The following CSMD1 variants were observed in gnomAD, a reference collection of about 807,000 sequenced individuals.
The protein encoded by CSMD1 is CUB and Sushi multiple domains 1.
In CSMD1, 213 loss-of-function variants were observed where a neutral mutation model predicts 417.5. That is an observed-to-expected ratio of 0.51 (90% CI 0.46 to 0.57). CSMD1 has a LOEUF of 0.57. Ranked by LOEUF, CSMD1 falls within the 20% of genes least tolerant of loss-of-function variation. CSMD1 has a pLI of 0.00. For synonymous variants in CSMD1, 2,862 were observed against 1,736.8 expected, an observed-to-expected ratio of 1.65 and a Z score of -16.11; for missense variants, 6,923 against 4,529.7, an observed-to-expected ratio of 1.53 and a Z score of -15.17.
intron 10 of CSMD1, among the ~76,000 whole-genome samples, chr8:3,573,058 G>A (rs1192570171): frequency 6.6e-6 from 1 of 152,058 alleles, no homozygotes; most frequent in Non-Finnish European, 1.5e-5. Context: ...AAATTAATGA[G>A]ATGGCTTAGT....
chr8:4,270,912 T>C (rs1348414089), intron 3 of CSMD1, among the ~76,000 whole-genome samples: 2 of 152,126 alleles, frequency 1.3e-5, no homozygotes, highest in Non-Finnish European at 2.9e-5. Flanking sequence ...AAGGTGCTGA[T>C]CGCTGTGAAA....
At chr8:3,357,947 C>T (rs11136611) in intron 21 of CSMD1, among the ~76,000 whole-genome samples, 17,425 of 152,004 alleles carry the variant, frequency 0.11, 1,159 homozygotes, top group African/African-American at 0.19. Flanking sequence ...TTTTTAATAA[C>T]GAAATTCTGA....
intron 6 of CSMD1, among the ~76,000 whole-genome samples, chr8:3,711,624 A>T (rs1379751671): frequency 6.6e-6 from 1 of 152,112 alleles, no homozygotes; most frequent in African/African-American, 2.4e-5. Flanking sequence ...GACAAATATC[A>T]CAGGAAAGGG....
intron 52 of CSMD1, among the ~76,000 whole-genome samples, chr8:3,014,923 A>G (rs1205761829): frequency 6.6e-6 from 1 of 152,062 alleles, no homozygotes; most frequent in Non-Finnish European, 1.5e-5. Flanking sequence ...CTCAAACATA[A>G]TTAAATAAAT....
At chr8:4,033,187 T>G (rs972972231) in intron 3 of CSMD1, among the ~76,000 whole-genome samples, 21 of 143,230 alleles carry the variant, frequency 1.5e-4, no homozygotes, top group Non-Finnish European at 3.0e-4. Context: ...ACGCCTGTAG[T>G]CCCAGCACTT....
In CSMD1 at chr8:3,926,981, T is replaced by C. The variant is rs542470457; in HGVS notation, c.818+70922A>G. 8.5e-5 allele frequency among the ~76,000 whole-genome samples: 13 copies of C among 152,118 alleles called. No homozygotes were observed. In the South Asian group the frequency reaches 2.7e-3, roughly 32 times the overall value. On this transcript the variant is annotated intron_variant, in intron 5 of 69. Transcript: ENST00000635120. ...CACCCACCTCGGCCTCCCAAAGTGCTAGGATTACAGGCGTGAGCCACCGTG... is the reference window on the plus strand; with the variant it reads ...CACCCACCTCGGCCTCCCAAAGTGCCAGGATTACAGGCGTGAGCCACCGTG...
chr8:4,941,697 C>T (rs1215394646), intron 1 of CSMD1, among the ~76,000 whole-genome samples: 2 of 152,060 alleles, frequency 1.3e-5, no homozygotes, highest in Non-Finnish European at 2.9e-5. Context: ...CCCTCTAGCT[C>T]AAGCAATTCT....
At chr8:2,982,867 G>A (rs138797809) in intron 54 of CSMD1, among the ~76,000 whole-genome samples, 4 of 152,158 alleles carry the variant, frequency 2.6e-5, no homozygotes, top group Admixed American at 6.5e-5. Context: ...CAATAGAAAC[G>A]AAGCCACCTG....
chr8:3,836,288 G>C (rs1279915905), intron 5 of CSMD1, among the ~76,000 whole-genome samples: 1 of 152,118 alleles, frequency 6.6e-6, no homozygotes, highest in Non-Finnish European at 1.5e-5. Flanking sequence ...ACTGATTGAA[G>C]CTTGTAACAA....
intron 1 of CSMD1, among the ~76,000 whole-genome samples, chr8:4,708,068 G>T (rs1808063159): frequency 6.6e-6 from 1 of 152,086 alleles, no homozygotes; most frequent in South Asian, 2.1e-4. Flanking sequence ...CTCAGCCTCT[G>T]CAGTAGCTGG....
intron 3 of CSMD1, among the ~76,000 whole-genome samples, chr8:4,109,201 A>G (rs1031608983): frequency 1.3e-5 from 2 of 152,178 alleles, no homozygotes; most frequent in Non-Finnish European, 2.9e-5. Context: ...CCAGAAAAAA[A>G]TCCTGAATAT....
At chr8:4,408,646 A>G (rs565390315) in intron 3 of CSMD1, among the ~76,000 whole-genome samples, 1 of 152,196 alleles carries the variant, frequency 6.6e-6, no homozygotes, top group Non-Finnish European at 1.5e-5. Flanking sequence ...CACCATTTCA[A>G]GTTGATCAAT....
chr8:3,904,414 T>C (rs556647441), intron 5 of CSMD1, among the ~76,000 whole-genome samples: 1 of 152,152 alleles, frequency 6.6e-6, no homozygotes, highest in Non-Finnish European at 1.5e-5. Flanking sequence ...CCTATGTTAG[T>C]GCTTCTCAAA....
chr8:2,960,077 A>T (rs142001084), intron 62 of CSMD1, among the ~76,000 whole-genome samples: 6 of 152,368 alleles, frequency 3.9e-5, no homozygotes, highest in African/African-American at 1.2e-4. Context: ...TAGGCAAGTT[A>T]AGAATTGCTC....
intron 5 of CSMD1, among the ~76,000 whole-genome samples, chr8:3,759,894 G>A (rs944999893): frequency 5.6e-4 from 71 of 125,844 alleles, no homozygotes; most frequent in Non-Finnish European, 2.5e-4. Context: ...GGGTGACTGA[G>A]AGACTGTCTC....
At chr8:4,797,819 A>G (rs1281419909) in intron 1 of CSMD1, among the ~76,000 whole-genome samples, 1 of 152,204 alleles carries the variant, frequency 6.6e-6, no homozygotes, top group Non-Finnish European at 1.5e-5. Context: ...TCATGTAACA[A>G]AAAATGTATA....
chr8:3,918,320 C>A (rs4367575), intron 5 of CSMD1, among the ~76,000 whole-genome samples: 45,835 of 151,858 alleles, frequency 0.3, 7,741 homozygotes, highest in South Asian at 0.43. Context: ...ATTCCTACCA[C>A]CAGTGTACAG....
At chr8:3,242,961 T>A (rs1166750730) in intron 26 of CSMD1, among the ~76,000 whole-genome samples, 2 of 152,030 alleles carry the variant, frequency 1.3e-5, no homozygotes, top group African/African-American at 2.4e-5. Flanking sequence ...CAGAGAGATG[T>A]CCCTGCAATG....
chr8:3,115,633 TATC>T (rs1816821736), intron 42 of CSMD1, among the ~76,000 whole-genome samples: 1 of 152,216 alleles, frequency 6.6e-6, no homozygotes. Context: ...CTTTCATAGA[TATC>T]ATAATTTCAG....
Sources: allele counts gnomAD v4.1 joint callset (sites outside exome capture counted in the v4.1 genomes callset), GRCh38; gene constraint gnomAD v4.1.1; transcripts MANE v1.5; gene names NCBI Gene and HGNC (gene_info 2026-07-23, HGNC 2026-07-21).